The following ADCY2 variants were observed in gnomAD, a reference collection of about 807,000 sequenced individuals.
The protein encoded by ADCY2 is adenylate cyclase 2, also known as adenylate cyclase type 2.
ADCY2 carries 31 observed loss-of-function variants against 125.2 expected under a neutral mutation model. The ratio of observed to expected loss-of-function variants is 0.25; its 90% CI spans 0.19 to 0.33. ADCY2 has a LOEUF of 0.33. Among genes scored for constraint, ADCY2 ranks in the 10% least tolerant of loss-of-function variants. The probability of loss-of-function intolerance (pLI) is 1.00; values close to 1 mark genes in which losing one functional copy is unlikely to be tolerated. For synonymous variants in ADCY2, 512 were observed against 548.4 expected, an observed-to-expected ratio of 0.93 and a Z score of 0.93; for missense variants, 904 against 1,418.2, an observed-to-expected ratio of 0.64 and a Z score of 5.82.
chr5:7,800,345 A>G (rs1579451277), intron 20 of ADCY2: 2 of 152,220 alleles, frequency 1.3e-5, no homozygotes, highest in African/African-American at 4.8e-5. Context: ...GTGTCAGCAG[A>G]GAGTGGGGAA....
intron 22 of ADCY2, among the ~76,000 whole-genome samples, chr5:7,809,596 C>A (rs1744869579): frequency 2.0e-5 from 3 of 152,160 alleles, no homozygotes; most frequent in Non-Finnish European, 4.4e-5. Flanking sequence ...GGAATAATGT[C>A]TTTTTCTTAA....
At chr5:7,478,010 G>A (rs182281312) in intron 2 of ADCY2, among the ~76,000 whole-genome samples, 73 of 152,164 alleles carry the variant, frequency 4.8e-4, no homozygotes, top group African/African-American at 8.4e-4. Context: ...TAAAATAACC[G>A]GAAAGATTTT....
intron 4 of ADCY2, among the ~76,000 whole-genome samples, chr5:7,673,269 A>AATATATATATAT (rs1180249627): frequency 3.8e-3 from 15 of 3,932 alleles, no homozygotes; most frequent in African/African-American, 8.3e-3. Context: ...AAAAAAAAAA[A>AATATATATATAT]ATATATATAT....
At chr5:7,814,127 C>A (rs1437082774) in intron 22 of ADCY2, among the ~76,000 whole-genome samples, 1 of 152,226 alleles carries the variant, frequency 6.6e-6, no homozygotes, top group Non-Finnish European at 1.5e-5. Flanking sequence ...CTTTGTAGCT[C>A]CAATTTTGTA....
At chr5:7,450,985 C>T (rs940013912) in intron 2 of ADCY2, among the ~76,000 whole-genome samples, 1 of 151,866 alleles carries the variant, frequency 6.6e-6, no homozygotes, top group Admixed American at 6.5e-5. Flanking sequence ...AAAAAGATGC[C>T]TTTCAAAATA....
In ADCY2 at chr5:7,821,439, C is replaced by T. The variant is rs191863788; in HGVS notation, c.3123+750C>T. ...GTGGTTCTGCCCAGGTTGACAGTGACAGAATCAAGGAAGAGCGGGAAGAGA... is the reference window on the plus strand; with the variant it reads ...GTGGTTCTGCCCAGGTTGACAGTGATAGAATCAAGGAAGAGCGGGAAGAGA... On this transcript the variant is annotated intron_variant, in intron 24 of 24. Coordinates refer to ENST00000338316, the MANE Select transcript of ADCY2 (RefSeq NM_020546.3). 2.4e-3 allele frequency among the ~76,000 whole-genome samples: 361 copies of T among 152,306 alleles called. 7 individuals carry two copies. The highest frequency in any genetic ancestry group is 6.2e-4 in the Non-Finnish European group (42 of 68,026).
chr5:7,472,261 T>A (rs1220565704), intron 2 of ADCY2, among the ~76,000 whole-genome samples: 2 of 152,166 alleles, frequency 1.3e-5, no homozygotes, highest in Non-Finnish European at 2.9e-5. Flanking sequence ...TTGATTAGCC[T>A]ATTTTGATTT....
chr5:7,418,645 C>CTTTTTTTTTTTTTT (rs1160037097), intron 2 of ADCY2, among the ~76,000 whole-genome samples: 5 of 92,506 alleles, frequency 5.4e-5, no homozygotes, highest in Non-Finnish European at 6.6e-5. Flanking sequence ...AGTCTACCTT[C>CTTTTTTTTTTTTTT]TGTTTTTTTT....
chr5:7,713,458 C>T lies in ADCY2; in HGVS notation c.1622+559C>T, dbSNP rs1298653252. ...ACAGTGAGCCGAGATCGTGCCACTA[C>T]ACTCTAGCCTGGTCGACAGAGTGAA... On this transcript the variant is annotated intron_variant, in intron 11 of 24. Transcript: ENST00000338316. Among the ~76,000 whole-genome samples, 3 of 150,766 alleles carry T rather than the reference C, an allele frequency of 2.0e-5. No homozygotes were observed. In the East Asian group the frequency reaches 5.8e-4, roughly 29 times the overall value.
At chr5:7,690,997 T>C in intron 5 of ADCY2, 158 bp downstream of exon 5, 1 of 808,916 alleles carries the variant, frequency 1.2e-6, no homozygotes, top group Non-Finnish European at 1.8e-6. Flanking sequence ...CACTCACCTG[T>C]TCCTGCCTCT....
chr5:7,586,612 G>A (rs1736635678), intron 3 of ADCY2, among the ~76,000 whole-genome samples: 1 of 152,012 alleles, frequency 6.6e-6, no homozygotes, highest in African/African-American at 2.4e-5. Context: ...CCGCTGACAG[G>A]AGCCCGCCGT....
intron 2 of ADCY2, among the ~76,000 whole-genome samples, chr5:7,449,353 T>G (rs72709154): frequency 6.6e-6 from 1 of 152,358 alleles, no homozygotes; most frequent in Non-Finnish European, 1.5e-5. Context: ...ATGATTCTTC[T>G]TAAAATGAGT....
intron 22 of ADCY2, among the ~76,000 whole-genome samples, chr5:7,814,952 C>A (rs1052533031): frequency 1.3e-5 from 2 of 152,228 alleles, no homozygotes; most frequent in African/African-American, 2.4e-5. Context: ...TTCCCCTCCC[C>A]CCGACCCATG....
At chr5:7,635,596 G>A (rs1203679048) in intron 4 of ADCY2, among the ~76,000 whole-genome samples, 1 of 152,092 alleles carries the variant, frequency 6.6e-6, no homozygotes, top group Admixed American at 6.5e-5. Context: ...AAGATGCCAA[G>A]CAGCAGCTGT....
At chr5:7,778,167 T>C (rs1236058610) in intron 18 of ADCY2, among the ~76,000 whole-genome samples, 1 of 152,234 alleles carries the variant, frequency 6.6e-6, no homozygotes, top group Non-Finnish European at 1.5e-5. Flanking sequence ...CTGATGTTGC[T>C]GGAAGCTGTT....
chr5:7,484,299 A>C (rs554265667), intron 2 of ADCY2, among the ~76,000 whole-genome samples: 3 of 152,362 alleles, frequency 2.0e-5, no homozygotes, highest in African/African-American at 7.2e-5. Context: ...ACCCAATTAG[A>C]AAATGGATTA....
chr5:7,513,825 T>C (rs1744165400), intron 2 of ADCY2, among the ~76,000 whole-genome samples: 1 of 152,244 alleles, frequency 6.6e-6, no homozygotes, highest in African/African-American at 2.4e-5. Flanking sequence ...TACAATGGTA[T>C]TTCTAATTTC....
chr5:7,687,607 C>T lies in ADCY2; in HGVS notation c.721-3084C>T, dbSNP rs549631662. Among the ~76,000 whole-genome samples, 11 of 152,202 alleles carry T rather than the reference C, an allele frequency of 7.2e-5. No individual in the cohort carries two copies. The East Asian group carries it at 1.2e-3, about 16-fold the overall frequency. ...GCCTGGGACTCTCTGAGCAATGTGC[C>T]GACCGATTTCTCACTGAGGGATGTT... On this transcript the variant is annotated intron_variant, in intron 4 of 24. Transcript: ENST00000338316.
At chr5:7,683,315 A>T (rs1740402144) in intron 4 of ADCY2, among the ~76,000 whole-genome samples, 1 of 152,226 alleles carries the variant, frequency 6.6e-6, no homozygotes, top group African/African-American at 2.4e-5. Context: ...CAGCTGAGAA[A>T]ATCCTAAGCA....
Sources: gnomAD v4.1 joint callset for allele counts (sites outside exome capture counted in the v4.1 genomes callset) on GRCh38, gnomAD v4.1.1 for gene constraint, MANE v1.5 for transcripts, NCBI Gene and HGNC (gene_info 2026-07-23, HGNC 2026-07-21) for gene names.